USP34: variants seen among roughly 807,000 people sequenced by gnomAD.
USP34 encodes ubiquitin specific peptidase 34.
Under a neutral mutation model 460.3 loss-of-function variants are expected in USP34, and 70 were observed. That is an observed-to-expected ratio of 0.15 (90% CI 0.13 to 0.19). The LOEUF (loss-of-function observed/expected upper bound fraction) is 0.19, where lower values mean the gene tolerates loss of function less well. USP34 is among the 10% of genes least tolerant of loss of function. USP34 has a pLI of 1.00. For synonymous variants in USP34, 1,647 were observed against 1,405.3 expected (o/e 1.17, Z -3.85); for missense variants, 3,985 against 4,236.2 (o/e 0.94, Z 1.65).
chr2:61,200,151 A>C (rs1415107921), intron 75 of USP34: 1 of 152,366 alleles, frequency 6.6e-6, no homozygotes, highest in Non-Finnish European at 1.5e-5. Flanking sequence ...TCCTGGGCTA[A>C]AGTGATCCTT....
At chr2:61,427,774 A>C (rs1425909904) in intron 1 of USP34, among the ~76,000 whole-genome samples, 3 of 152,226 alleles carry the variant, frequency 2.0e-5, no homozygotes, top group Non-Finnish European at 4.4e-5. Flanking sequence ...AGACTATTTG[A>C]AAACACCCAA....
At chr2:61,456,220 C>T (rs1485601974) in intron 1 of USP34, among the ~76,000 whole-genome samples, 1 of 152,206 alleles carries the variant, frequency 6.6e-6, no homozygotes, top group Non-Finnish European at 1.5e-5. Flanking sequence ...GCAATTTCAC[C>T]TCTTTCATGG....
intron 1 of USP34, among the ~76,000 whole-genome samples, chr2:61,460,445 A>C (rs561209363): frequency 6.6e-6 from 1 of 152,268 alleles, no homozygotes; most frequent in Admixed American, 6.6e-5. Context: ...ACTTTACCCA[A>C]TAATGGCCCC....
At chr2:61,453,201 A>G (rs1695336311) in intron 1 of USP34, among the ~76,000 whole-genome samples, 2 of 152,060 alleles carry the variant, frequency 1.3e-5, no homozygotes, top group Non-Finnish European at 2.9e-5. Flanking sequence ...GCTAGAGCCC[A>G]TGAGTTCGAG....
rs943321997 is a variant in USP34, at chr2:61,310,535, T to C, written c.3817+1005A>G. On this transcript the variant is annotated intron_variant, in intron 27 of 79. Coordinates refer to ENST00000398571, the MANE Select transcript of USP34 (RefSeq NM_014709.4). ...TTTGTGCTTTAAATATATATATACA[T>C]ATACATCTATATAGCACATATATAT... is the stretch of plus-strand genomic sequence containing the variant. Among the ~76,000 whole-genome samples, 5 of 151,334 alleles carry C rather than the reference T, an allele frequency of 3.3e-5. No homozygotes were observed. The East Asian group carries it at 5.8e-4, about 18-fold the overall frequency.
rs1687282154 is a variant in USP34 at position 61,211,922 on chromosome 2, T to C, written c.8690A>G (p.Glu2897Gly). 1 of 1,602,550 alleles carries C rather than the reference T, an allele frequency of 6.2e-7. No individual in the cohort carries two copies. The highest frequency in any genetic ancestry group is 8.5e-7 in the Non-Finnish European group (1 of 1,176,952). The change falls in exon 69 of 80, where the codon GAA (glutamate) becomes GGA (glycine). Residue 2897 changes from glutamate (E) to glycine (G), a missense_variant. By Grantham distance (98) the Glu-to-Gly change is moderately conservative. Transcript: ENST00000398571. ...CAGCTGCATCAGGTTAAACAGTTCT[T>C]CTACTGCCTAAAAAAGCCAAATAAG... ...PHASQYPGAV[E>G]ELFNLMQLFI...
intron 1 of USP34, among the ~76,000 whole-genome samples, chr2:61,454,044 T>C (rs530740688): frequency 6.6e-6 from 1 of 152,284 alleles, no homozygotes; most frequent in South Asian, 2.1e-4. Context: ...CAGCTAGATT[T>C]ATATAAACCA....
rs1212399784 is a variant in USP34 at position 61,188,503 on chromosome 2, C to T, written c.10240G>A (p.Glu3414Lys). Reference sequence around the variant, plus strand: ...GAAGATGGAACTTCCATTCGGTATTCTTTAACAGAACTATTTTCAGGGGAA... The same window carrying T: ...GAAGATGGAACTTCCATTCGGTATTTTTTAACAGAACTATTTTCAGGGGAA... ...LPSPENSSVK[E>K]YRMEVPSSFS... is the part of the protein sequence containing the mutation. Residue 3414 changes from glutamate (E) to lysine (K), a missense_variant, in exon 80 of 80, where the codon GAA becomes AAA. By Grantham distance (56) the Glu-to-Lys change is moderately conservative. Coordinates refer to ENST00000398571, the MANE Select transcript of USP34 (RefSeq NM_014709.4). 5 of 1,614,170 alleles carry T rather than the reference C, an allele frequency of 3.1e-6. No individual in the cohort carries two copies. The South Asian group carries it at 4.4e-5, about 14-fold the overall frequency.
chr2:61,449,644 G>A (rs988251673), intron 1 of USP34, among the ~76,000 whole-genome samples: 1 of 151,992 alleles, frequency 6.6e-6, no homozygotes, highest in Non-Finnish European at 1.5e-5. Context: ...ACAGAATACA[G>A]AGTACAGAAA....
At chr2:61,336,135 G>T (rs1558535832) in intron 18 of USP34, among the ~76,000 whole-genome samples, 1 of 147,536 alleles carries the variant, frequency 6.8e-6, no homozygotes, top group African/African-American at 2.5e-5. Flanking sequence ...GTGTGTGTGT[G>T]TGTCCGCACA....
intron 8 of USP34, among the ~76,000 whole-genome samples, chr2:61,370,838 C>G (rs1692600993): frequency 6.6e-6 from 1 of 152,188 alleles, no homozygotes; most frequent in Non-Finnish European, 1.5e-5. Context: ...ACAAGTGTAA[C>G]ACTGATTTAG....
At chr2:61,426,811 G>A (rs567118159) in intron 1 of USP34, among the ~76,000 whole-genome samples, 3 of 152,300 alleles carry the variant, frequency 2.0e-5, no homozygotes, top group East Asian at 1.9e-4. Flanking sequence ...TGGCCACAGG[G>A]GTGCTTGTGT....
intron 27 of USP34, among the ~76,000 whole-genome samples, chr2:61,305,985 T>C (rs1042571077): frequency 1.3e-5 from 2 of 152,214 alleles, no homozygotes; most frequent in African/African-American, 2.4e-5. Flanking sequence ...ATATTAGCCC[T>C]TTGTCAGATG....
chr2:61,193,007 G>A (rs941222785), intron 75 of USP34, 27 bp from the exon 76 acceptor site: 9 of 1,563,578 alleles, frequency 5.8e-6, no homozygotes, highest in Non-Finnish European at 7.9e-6. Flanking sequence ...AATCAGAATA[G>A]GTTATAATTA....
At chr2:61,231,216 T>C (rs1572854622) in intron 58 of USP34, among the ~76,000 whole-genome samples, 1 of 151,756 alleles carries the variant, frequency 6.6e-6, no homozygotes, top group East Asian at 1.9e-4. Context: ...GAAAGTAGAC[T>C]AGTAGTTGTC....
intron 1 of USP34, among the ~76,000 whole-genome samples, chr2:61,429,690 T>C (rs2103994297): frequency 6.6e-6 from 1 of 152,244 alleles, no homozygotes; most frequent in African/African-American, 2.4e-5. Context: ...CGACTACTGA[T>C]GCACCAACAA....
chr2:61,296,094 A>G (rs971374644), intron 30 of USP34, among the ~76,000 whole-genome samples: 2 of 152,106 alleles, frequency 1.3e-5, no homozygotes, highest in Non-Finnish European at 1.5e-5. Context: ...CCCTGTCTCT[A>G]CTAAAAATAC....
intron 2 of USP34, among the ~76,000 whole-genome samples, chr2:61,410,362 A>G (rs1694002286): frequency 6.6e-6 from 1 of 152,134 alleles, no homozygotes. Flanking sequence ...TCCTGTGAGA[A>G]TCTGATGCTG....
intron 33 of USP34, among the ~76,000 whole-genome samples, chr2:61,290,227 A>G (rs905192438): frequency 6.6e-6 from 1 of 152,160 alleles, no homozygotes; most frequent in African/African-American, 2.4e-5. Context: ...GATGTGGAGT[A>G]AATGAAATTC....
Sources: gnomAD v4.1 joint callset for allele counts (sites outside exome capture counted in the v4.1 genomes callset) on GRCh38, gnomAD v4.1.1 for gene constraint, MANE v1.5 for transcripts, NCBI Gene and HGNC (gene_info 2026-07-23, HGNC 2026-07-21) for gene names.